Variants in PPP1R21 observed in about 807,000 individuals in gnomAD.
PPP1R21 encodes protein phosphatase 1 regulatory subunit 21.
PPP1R21 carries 85 observed loss-of-function variants against 112.8 expected under a neutral mutation model. That is an observed-to-expected ratio of 0.75 (90% confidence interval 0.63 to 0.90). The LOEUF (loss-of-function observed/expected upper bound fraction) is 0.90. Among genes scored for constraint, PPP1R21 ranks in the 40% least tolerant of loss-of-function variants. The pLI, the probability that PPP1R21 is intolerant of heterozygous loss-of-function variation, is 0.00. For missense variants in PPP1R21, 1,199 were observed against 901.5 expected (o/e 1.33, Z -4.23); for synonymous variants, 381 against 322.3 (o/e 1.18, Z -1.95).
At chr2:48,448,154 A>G (rs1444015339) in intron 1 of PPP1R21, among the ~76,000 whole-genome samples, 1 of 152,182 alleles carries the variant, frequency 6.6e-6, no homozygotes, top group East Asian at 1.9e-4. Context: ...ATTTCTACCT[A>G]CTAAGTAATA....
chr2:48,450,886 CAT>C, intron 1 of PPP1R21, 120 bp from the exon 2 acceptor site: 1 of 719,334 alleles, frequency 1.4e-6, no homozygotes, highest in Non-Finnish European at 2.4e-6. Flanking sequence ...TTTTTGTTCT[CAT>C]ATATATGTGA....
chr2:48,483,400 C>T (rs62138864), intron 13 of PPP1R21, among the ~76,000 whole-genome samples: 13,980 of 151,870 alleles, frequency 0.092, 844 homozygotes, highest in Middle Eastern at 0.18. Flanking sequence ...CCAGGCTGGT[C>T]TCGAACTCCT....
chr2:48,456,083 A>G (rs1667713391), intron 3 of PPP1R21, among the ~76,000 whole-genome samples: 1 of 151,400 alleles, frequency 6.6e-6, no homozygotes, highest in African/African-American at 2.4e-5. Flanking sequence ...AGTTTACTGC[A>G]GATGTAATTT....
chr2:48,498,973 A>G (rs1173502582), intron 17 of PPP1R21, among the ~76,000 whole-genome samples: 1 of 152,142 alleles, frequency 6.6e-6, no homozygotes, highest in Non-Finnish European at 1.5e-5. Flanking sequence ...GTTCATAGAC[A>G]GCAGCATTTT....
chr2:48,459,973 A>G (rs908531049), intron 5 of PPP1R21, 55 bp downstream of exon 5: 2 of 1,593,252 alleles, frequency 1.3e-6, no homozygotes, highest in African/African-American at 2.7e-5. Flanking sequence ...TGTATTAATA[A>G]ATTGTCTATC....
At chr2:48,468,829 ATGTGTGTGTG>A (rs113373775) in intron 9 of PPP1R21, among the ~76,000 whole-genome samples, 11 of 146,542 alleles carry the variant, frequency 7.5e-5, no homozygotes, top group Middle Eastern at 6.9e-3. Context: ...AAAAAAATGT[ATGTGTGTGTG>A]TGTGTGTGTG....
chr2:48,441,148 C>A, intron 1 of PPP1R21, 138 bp downstream of exon 1: 1 of 685,922 alleles, frequency 1.5e-6, no homozygotes, highest in Non-Finnish European at 2.6e-6. Context: ...CCGTCTCCGT[C>A]CACCATTACG....
chr2:48,445,076 C>T (rs1218977881), intron 1 of PPP1R21, among the ~76,000 whole-genome samples: 1 of 150,236 alleles, frequency 6.7e-6, no homozygotes, highest in African/African-American at 2.4e-5. Flanking sequence ...CCTGATTTAT[C>T]ACCTACTTTT....
At chr2:48,495,419 G>A (rs970918572) in intron 15 of PPP1R21, among the ~76,000 whole-genome samples, 4 of 152,124 alleles carry the variant, frequency 2.6e-5, no homozygotes, top group Non-Finnish European at 5.9e-5. Context: ...GGCCAGGCTG[G>A]TCTTGAATTC....
chr2:48,514,592 TCTC>T, intron 21 of PPP1R21, 120 bp from the exon 22 acceptor site: 1 of 731,764 alleles, frequency 1.4e-6, no homozygotes, highest in Non-Finnish European at 2.4e-6. Context: ...TATCAGCTAT[TCTC>T]CTTTTTGGAA....
At chr2:48,481,193 T>C (rs1167123455) in intron 13 of PPP1R21, among the ~76,000 whole-genome samples, 1 of 152,220 alleles carries the variant, frequency 6.6e-6, no homozygotes, top group African/African-American at 2.4e-5. Flanking sequence ...TTCGCCATGT[T>C]GGCCAGGCTG....
chr2:48,513,761 C>T (rs1270497319), intron 21 of PPP1R21, among the ~76,000 whole-genome samples: 1 of 152,168 alleles, frequency 6.6e-6, no homozygotes, highest in Non-Finnish European at 1.5e-5. Flanking sequence ...TTATATTCTG[C>T]AAGCATTTCT....
At chr2:48,463,282 G>T (rs1558444193) in intron 7 of PPP1R21, among the ~76,000 whole-genome samples, 1 of 152,158 alleles carries the variant, frequency 6.6e-6, no homozygotes, top group Non-Finnish European at 1.5e-5. Context: ...GTGGAAACGG[G>T]GTGAGGTAGA....
At chr2:48,514,646 G>T (rs1275510567) in intron 21 of PPP1R21, 69 bp from the exon 22 acceptor site, 2 of 1,179,300 alleles carry the variant, frequency 1.7e-6, no homozygotes, top group Non-Finnish European at 2.5e-6. Context: ...AGACAGCTTG[G>T]TTTATAAACT....
chr2:48,465,123 C>T (rs1047370384), intron 8 of PPP1R21, 134 bp downstream of exon 8: 117 of 723,164 alleles, frequency 1.6e-4, no homozygotes, highest in Non-Finnish European at 2.6e-4. Context: ...ACGTGTTTCT[C>T]ATACATTTAT....
At chr2:48,477,667 C>CTT (rs545161997) in intron 12 of PPP1R21, among the ~76,000 whole-genome samples, 21 of 139,770 alleles carry the variant, frequency 1.5e-4, no homozygotes, top group South Asian at 4.7e-4. Context: ...AGCCCTCCTA[C>CTT]TTTTTTTTTT....
chr2:48,484,767 C>T (rs1669201092), intron 13 of PPP1R21, among the ~76,000 whole-genome samples: 2 of 152,174 alleles, frequency 1.3e-5, no homozygotes, highest in African/African-American at 4.8e-5. Context: ...CTGCCCACGT[C>T]GGTCTCCCAA....
At position 48,471,296 on chromosome 2, in the gene PPP1R21, GA is replaced by G; in HGVS notation, c.1021del (p.Thr341LeufsTer6). On this transcript the variant is annotated frameshift_variant, in exon 11 of 22. Transcript: ENST00000294952. LOFTEE classifies it high-confidence loss of function. ...TTTTCCAGGAGACAACTGTGAAATTGAAAACTTTTTCAGAACACTTAACCTC... is the reference window on the plus strand; with the variant it reads ...TTTTCCAGGAGACAACTGTGAAATTGAAACTTTTTCAGAACACTTAACCTC... Reference protein sequence around the residue: ...VTVLETTVKLKTFSEHLTSYI... With the variant: ...VTVLETTVKLXTFSEHLTSYI... The G allele has an allele frequency of 6.2e-7, 1 of 1,611,706 alleles. No individual in the cohort carries two copies. Among genetic ancestry groups the G allele is most frequent in the Non-Finnish European group, 8.5e-7 (1 of 1,179,062 alleles).
At chr2:48,453,602 A>G (rs1443342888) in intron 2 of PPP1R21, among the ~76,000 whole-genome samples, 1 of 152,250 alleles carries the variant, frequency 6.6e-6, no homozygotes, top group African/African-American at 2.4e-5. Context: ...CTTTTAAAAA[A>G]GAGTGAAACT....
Sources: allele counts gnomAD v4.1 joint callset (sites outside exome capture counted in the v4.1 genomes callset), GRCh38; gene constraint gnomAD v4.1.1; transcripts MANE v1.5; gene names NCBI Gene and HGNC (gene_info 2026-07-23, HGNC 2026-07-21).